TSPAN9: variants seen among roughly 807,000 people sequenced by gnomAD.
TSPAN9 encodes tetraspanin-9.
A neutral mutation model predicts 31.0 loss-of-function variants in TSPAN9; 16 were observed. The observed-to-expected ratio is 0.52, with a 90% CI of 0.35 to 0.78. The LOEUF (loss-of-function observed/expected upper bound fraction) is 0.78. Ranked by LOEUF, TSPAN9 falls within the 30% of genes least tolerant of loss-of-function variation. The pLI, the probability that TSPAN9 is intolerant of heterozygous loss-of-function variation, is 0.01. For synonymous variants in TSPAN9, 145 were observed against 121.6 expected (o/e 1.19, Z -1.27); for missense variants, 272 against 312.5 (o/e 0.87, Z 0.98).
At chr12:3,230,433 C>T (rs2098390076) in intron 3 of TSPAN9, among the ~76,000 whole-genome samples, 1 of 152,070 alleles carries the variant, frequency 6.6e-6, no homozygotes, top group Non-Finnish European at 1.5e-5. Flanking sequence ...TTTTTCCCTG[C>T]CTGCCTTCAC....
chr12:3,230,973 C>T (rs924741155), intron 3 of TSPAN9, among the ~76,000 whole-genome samples: 6 of 152,006 alleles, frequency 3.9e-5, no homozygotes, highest in Non-Finnish European at 7.4e-5. Context: ...GAGCTGGGGG[C>T]GGGGGTGTAT....
At chr12:3,123,680 C>G (rs897833550) in intron 2 of TSPAN9, among the ~76,000 whole-genome samples, 1 of 151,040 alleles carries the variant, frequency 6.6e-6, no homozygotes, top group Non-Finnish European at 1.5e-5. Flanking sequence ...AGGCTCCTGT[C>G]ATGGTTACTA....
intron 3 of TSPAN9, among the ~76,000 whole-genome samples, chr12:3,238,627 T>TA (rs977254905): frequency 6.6e-6 from 1 of 152,242 alleles, no homozygotes; most frequent in Non-Finnish European, 1.5e-5. Flanking sequence ...CAAAGCCAGC[T>TA]ATCCTTTATT....
At chr12:3,121,741 A>G (rs1024109852) in intron 2 of TSPAN9, among the ~76,000 whole-genome samples, 1 of 151,940 alleles carries the variant, frequency 6.6e-6, no homozygotes, top group Non-Finnish European at 1.5e-5. Context: ...GGTGGCAACA[A>G]TTGGCTGGAT....
Position 3,285,374 on chromosome 12 carries a change from T to C in TSPAN9, c.*2258T>C, listed in dbSNP as rs1333561948. ...GGGAGATGTGCAACCTCCCTGAAAA[T>C]CTTTTCTGTTTCTGGAGTACTTCAG... On this transcript the variant is annotated 3_prime_UTR_variant, in exon 9 of 9. Transcript: ENST00000011898. 1 of 152,146 alleles carries C rather than the reference T, an allele frequency of 6.6e-6. No homozygotes were observed. The highest frequency in any genetic ancestry group is 2.4e-5 in the African/African-American group (1 of 41,418). 9.4% of individuals were successfully genotyped at this position (152,146 alleles called of 1,614,324 possible). A position where few individuals can be genotyped will look rare whatever the true frequency, so the allele number is the denominator to read the frequency against.
intron 3 of TSPAN9, among the ~76,000 whole-genome samples, chr12:3,218,336 G>A (rs575961684): frequency 9.2e-5 from 14 of 152,326 alleles, no homozygotes; most frequent in African/African-American, 2.6e-4. Flanking sequence ...AGAGGAGGAG[G>A]CGTGTTCTCT....
chr12:3,212,936 TCCGGTGAAGGGATTGTGG>T (rs2098379503), intron 3 of TSPAN9, among the ~76,000 whole-genome samples: 1 of 151,912 alleles, frequency 6.6e-6, no homozygotes, highest in Non-Finnish European at 1.5e-5. Context: ...AGGATGCCTA[TCCGGTGAAGGGATTGTGG>T]ACAAGCAGAG....
intron 3 of TSPAN9, among the ~76,000 whole-genome samples, chr12:3,207,022 G>A (rs1013688185): frequency 2.4e-4 from 36 of 152,126 alleles, no homozygotes; most frequent in African/African-American, 8.4e-4. Context: ...CTGGACACAT[G>A]CAATGGGCTG....
chr12:3,168,265 G>A lies in TSPAN9; in HGVS notation c.-17-32912G>A, dbSNP rs1591657241. On this transcript the variant is annotated intron_variant, in intron 2 of 8. Coordinates refer to ENST00000011898, the MANE Select transcript of TSPAN9 (RefSeq NM_006675.5). The surrounding 1 kb of genome is among the most constrained non-coding windows in gnomAD (Gnocchi z 4.0). ...TACACTGTGCCAGCTCTTTCCAGAT[G>A]CTTCAAACCTTTTTAGTTGCTAAGG... is the stretch of plus-strand genomic sequence containing the variant. 1.3e-5 allele frequency among the ~76,000 whole-genome samples: 2 copies of A among 152,176 alleles called. No homozygotes were observed. Among genetic ancestry groups the A allele is most frequent in the South Asian group, 4.1e-4 (2 of 4,826 alleles).
At chr12:3,227,532 T>C (rs1404476583) in intron 3 of TSPAN9, among the ~76,000 whole-genome samples, 2 of 151,740 alleles carry the variant, frequency 1.3e-5, no homozygotes, top group Non-Finnish European at 2.9e-5. Flanking sequence ...GCTTGGAGAG[T>C]GGCAAGTTAA....
intron 3 of TSPAN9, among the ~76,000 whole-genome samples, chr12:3,260,430 T>G (rs1285217821): frequency 6.6e-6 from 1 of 152,140 alleles, no homozygotes; most frequent in Non-Finnish European, 1.5e-5. Flanking sequence ...ACCCTTGTGG[T>G]TCTTGACAGC....
chr12:3,081,679 T>C lies in TSPAN9; in HGVS notation c.-84-1974T>C, dbSNP rs76723099. On this transcript the variant is annotated intron_variant, in intron 1 of 8. Transcript: ENST00000011898. ...TATGTGTCACATGTATAAGAGTCTGTGCTGGGCTGGATGCGGTGCCTCACA... is the reference window on the plus strand; with the variant it reads ...TATGTGTCACATGTATAAGAGTCTGCGCTGGGCTGGATGCGGTGCCTCACA... Among the ~76,000 whole-genome samples the C allele has an allele frequency of 3.5e-3, 526 of 152,110 alleles. 2 individuals are homozygous for C. The highest frequency in any genetic ancestry group is 0.012 in the African/African-American group (505 of 41,500).
intron 2 of TSPAN9, among the ~76,000 whole-genome samples, chr12:3,114,815 C>A (rs1001263096): frequency 1.4e-5 from 2 of 146,340 alleles, no homozygotes; most frequent in South Asian, 4.4e-4. Flanking sequence ...TGCATTCCAG[C>A]CTGGGTGACA....
At position 3,278,972 on chromosome 12, in the gene TSPAN9, C is replaced by T. The variant is rs1281988822; in HGVS notation, c.256-20C>T. ...CCCTGCCCATTACCACCTACCCATG[C>T]CTGGCCCTTTCCTTTCCAGTTTTTC... On this transcript the variant is annotated intron_variant, in intron 4 of 8. Coordinates refer to ENST00000011898, the MANE Select transcript of TSPAN9 (RefSeq NM_006675.5). The T allele has an allele frequency of 1.2e-6, 2 of 1,613,596 alleles. No homozygotes were observed. The highest frequency in any genetic ancestry group is 1.7e-6 in the Non-Finnish European group (2 of 1,179,486).
In TSPAN9 at chr12:3,278,972, C is replaced by G. The variant is rs1281988822; in HGVS notation, c.256-20C>G. 3.1e-6 allele frequency: 5 copies of G among 1,613,478 alleles called. No individual in the cohort carries two copies. Among genetic ancestry groups the G allele is most frequent in the African/African-American group, 1.3e-5 (1 of 74,932 alleles). On this transcript the variant is annotated intron_variant, in intron 4 of 8. Transcript: ENST00000011898. ...CCCTGCCCATTACCACCTACCCATG[C>G]CTGGCCCTTTCCTTTCCAGTTTTTC...
rs1477420908 is a variant in TSPAN9 at position 3,081,834 on chromosome 12, G to GTATA, written c.-84-1818_-84-1817insATAT. 2.3e-3 allele frequency among the ~76,000 whole-genome samples: 172 copies of GTATA among 75,784 alleles called. 3 individuals carry two copies. Among genetic ancestry groups the GTATA allele is most frequent in the African/African-American group, 0.01 (146 of 14,484 alleles). The allele number at this position is 75,784 out of a possible 152,430, so 49.7% of individuals were successfully genotyped here. A position where few individuals can be genotyped will look rare whatever the true frequency, so the allele number is the denominator to read the frequency against. On this transcript the variant is annotated intron_variant, in intron 1 of 8. Transcript: ENST00000011898. ...TGTGTGTGTGTGTGTGTGTGTGTGT[G>GTATA]TCTGTGTGTGTATATATATGCCAGG...
intron 2 of TSPAN9, among the ~76,000 whole-genome samples, chr12:3,139,620 G>A (rs2098333803): frequency 6.6e-6 from 1 of 152,132 alleles, no homozygotes; most frequent in African/African-American, 2.4e-5. Flanking sequence ...CCAGGCTGGG[G>A]TGCAGTGGTG....
intron 2 of TSPAN9, among the ~76,000 whole-genome samples, chr12:3,198,115 C>CCACCAGCACTGGT (rs1240414876): frequency 2.3e-4 from 22 of 97,406 alleles, no homozygotes; most frequent in African/African-American, 8.2e-4. Context: ...GCACAGGCCA[C>CCACCAGCACTGGT]CACCAGCACA....
intron 2 of TSPAN9, among the ~76,000 whole-genome samples, chr12:3,194,151 TG>T (rs2098365940): frequency 6.6e-6 from 1 of 152,142 alleles, no homozygotes; most frequent in African/African-American, 2.4e-5. Context: ...GTACCTGCTG[TG>T]GGGTGGTCAC....
Sources: allele counts gnomAD v4.1 joint callset (sites outside exome capture counted in the v4.1 genomes callset), GRCh38; gene constraint gnomAD v4.1.1; non-coding constraint Gnocchi (gnomAD v3.1); transcripts MANE v1.5; gene names NCBI Gene and HGNC (gene_info 2026-07-23, HGNC 2026-07-21).